ZSWIM5: variants seen among roughly 807,000 people sequenced by gnomAD.
The protein encoded by ZSWIM5 is zinc finger SWIM domain-containing protein 5.
Under a neutral mutation model 119.6 loss-of-function variants are expected in ZSWIM5, and 55 were observed. The observed-to-expected ratio is 0.46, with a 90% CI of 0.37 to 0.58. The LOEUF (loss-of-function observed/expected upper bound fraction) is 0.58. Among genes scored for constraint, ZSWIM5 ranks in the 20% least tolerant of loss-of-function variants. ZSWIM5 has a pLI of 0.00. For missense variants in ZSWIM5, 1,193 were observed against 1,512.8 expected, an observed-to-expected ratio of 0.79 and a Z score of 3.51; for synonymous variants, 537 against 606.9, an observed-to-expected ratio of 0.88 and a Z score of 1.69.
In ZSWIM5 at chr1:45,205,164, A is replaced by C. The variant is rs112240827; in HGVS notation, c.595+592T>G. Among the ~76,000 whole-genome samples, 1,472 of 151,192 alleles carry C rather than the reference A, an allele frequency of 9.7e-3. 30 individuals are homozygous for C. Among genetic ancestry groups the C allele is most frequent in the African/African-American group, 0.034 (1,412 of 41,124 alleles). On this transcript the variant is annotated intron_variant, in intron 1 of 13. Coordinates refer to ENST00000359600, the MANE Select transcript of ZSWIM5 (RefSeq NM_020883.2). ...TCCTTGGGTGGGGGTGTGGAGGAGA[A>C]GCTGTCACATTTCCATCTTCGGTTA...
At chr1:45,132,441 C>A (rs1191139425) in intron 1 of ZSWIM5, among the ~76,000 whole-genome samples, 1 of 152,060 alleles carries the variant, frequency 6.6e-6, no homozygotes, top group Non-Finnish European at 1.5e-5. Context: ...CAGTACTTTT[C>A]TCTATGCAAT....
At chr1:45,068,085 ATTTTTCTTTTTTTTTT>A (rs1383237312) in intron 2 of ZSWIM5, among the ~76,000 whole-genome samples, 5 of 133,226 alleles carry the variant, frequency 3.8e-5, no homozygotes, top group East Asian at 2.2e-4. Flanking sequence ...TAAGGAAGCA[ATTTTTCTTTTTTTTTT>A]TTTTTCTTTT....
intron 1 of ZSWIM5, among the ~76,000 whole-genome samples, chr1:45,123,561 CAG>C: frequency 6.6e-6 from 1 of 152,034 alleles, no homozygotes; most frequent in South Asian, 2.1e-4. Context: ...ATCTGAAAAA[CAG>C]AGAATAGACT....
Position 45,036,244 on chromosome 1 carries a change from G to T in ZSWIM5, c.1950C>A (p.Ser650=). The T allele has an allele frequency of 3.1e-6, 5 of 1,614,120 alleles. No homozygotes were observed. Among genetic ancestry groups the T allele is most frequent in the Non-Finnish European group, 4.2e-6 (5 of 1,180,032 alleles). ...ACAGGTAGGACTCACTGCTGTTTGG[G>T]GAGCCTGCAGCCACAGGTACATGCT... ...VYQHVPVAAG[S]PNSSESYLSL... Residue 650 remains serine (S), a synonymous_variant, in exon 9 of 14, where the codon TCC becomes TCA. Transcript: ENST00000359600.
chr1:45,153,942 T>C (rs1191637598), intron 1 of ZSWIM5, among the ~76,000 whole-genome samples: 1 of 152,108 alleles, frequency 6.6e-6, no homozygotes. Flanking sequence ...ATAGCTCTAC[T>C]ATACACCAAC....
At chr1:45,130,062 T>A (rs1645645753) in intron 1 of ZSWIM5, among the ~76,000 whole-genome samples, 1 of 152,156 alleles carries the variant, frequency 6.6e-6, no homozygotes, top group South Asian at 2.1e-4. Context: ...CATGCCCGGC[T>A]AATTTTTGTA....
At chr1:45,074,110 AATG>A (rs1031939500) in intron 2 of ZSWIM5, among the ~76,000 whole-genome samples, 9 of 151,940 alleles carry the variant, frequency 5.9e-5, no homozygotes, top group Admixed American at 2.0e-4. Context: ...TGATCTTTTT[AATG>A]TATTGTTGAA....
rs150882164 is a variant in ZSWIM5, at chr1:45,054,579, C to T, written c.1253-3326G>A. Among the ~76,000 whole-genome samples the T allele has an allele frequency of 6.9e-3, 1,047 of 152,062 alleles. 4 individuals are homozygous for T. The highest frequency in any genetic ancestry group is 0.011 in the Non-Finnish European group (756 of 67,994). Reference sequence around the variant, plus strand: ...ACTGGGCAACAGAGTGAGACACTTTCTCAAAAAACAACAACAAAAAATTTT... The same window carrying T: ...ACTGGGCAACAGAGTGAGACACTTTTTCAAAAAACAACAACAAAAAATTTT... On this transcript the variant is annotated intron_variant, in intron 4 of 13. Coordinates refer to ENST00000359600, the MANE Select transcript of ZSWIM5 (RefSeq NM_020883.2).
intron 1 of ZSWIM5, among the ~76,000 whole-genome samples, chr1:45,155,311 C>CA (rs1645820680): frequency 6.6e-6 from 1 of 152,066 alleles, no homozygotes; most frequent in Admixed American, 6.5e-5. Flanking sequence ...AAATGCAAAT[C>CA]AAAACCACAA....
chr1:45,045,322 T>C (rs1253947394), intron 5 of ZSWIM5, among the ~76,000 whole-genome samples: 1 of 152,210 alleles, frequency 6.6e-6, no homozygotes, highest in Non-Finnish European at 1.5e-5. Context: ...AGTATTATAC[T>C]GTACGGACAT....
chr1:45,204,892 C>A (rs1322910205), intron 1 of ZSWIM5, among the ~76,000 whole-genome samples: 1 of 152,088 alleles, frequency 6.6e-6, no homozygotes, highest in African/African-American at 2.4e-5. Flanking sequence ...TTAACCATTC[C>A]ACAAATCAGA....
At chr1:45,058,520 T>C (rs1387109916) in intron 4 of ZSWIM5, 89 bp downstream of exon 4, 11 of 1,528,676 alleles carry the variant, frequency 7.2e-6, no homozygotes, top group Non-Finnish European at 9.8e-6. Context: ...GCAAGATCCA[T>C]GCAACGACTG....
At chr1:45,122,313 T>C (rs936786226) in intron 1 of ZSWIM5, among the ~76,000 whole-genome samples, 2 of 152,196 alleles carry the variant, frequency 1.3e-5, no homozygotes, top group Non-Finnish European at 1.5e-5. Flanking sequence ...TTTCATGTCA[T>C]TGCAAGGATT....
At chr1:45,113,214 T>C (rs1645528489) in intron 1 of ZSWIM5, among the ~76,000 whole-genome samples, 1 of 152,190 alleles carries the variant, frequency 6.6e-6, no homozygotes, top group South Asian at 2.1e-4. Flanking sequence ...GTAATGTGGT[T>C]TATACATGGA....
At chr1:45,196,034 GTTTTTTTT>G (rs34236930) in intron 1 of ZSWIM5, among the ~76,000 whole-genome samples, 4 of 103,910 alleles carry the variant, frequency 3.8e-5, no homozygotes, top group Non-Finnish European at 7.8e-5. Flanking sequence ...CACCCAGCTA[GTTTTTTTT>G]TTTTTTTTTT....
chr1:45,058,462 A>G (rs1002151648), intron 4 of ZSWIM5, 147 bp downstream of exon 4: 3 of 866,384 alleles, frequency 3.5e-6, no homozygotes, highest in East Asian at 2.6e-5. Context: ...GTTCAGTGTT[A>G]CTCTGGGTGG....
intron 1 of ZSWIM5, among the ~76,000 whole-genome samples, chr1:45,115,327 C>T (rs556776370): frequency 1.6e-3 from 238 of 151,744 alleles, no homozygotes; most frequent in African/African-American, 5.2e-3. Flanking sequence ...TGGAGACGCT[C>T]CTCATTTCCC....
At chr1:45,068,792 CTTTTTTTTTT>C (rs758235271) in intron 2 of ZSWIM5, among the ~76,000 whole-genome samples, 5 of 46,756 alleles carry the variant, frequency 1.1e-4, no homozygotes, top group Non-Finnish European at 1.1e-4. Context: ...TGTTGTATGT[CTTTTTTTTTT>C]TTTTTTTTTT....
intron 1 of ZSWIM5, among the ~76,000 whole-genome samples, chr1:45,172,041 A>G (rs1050626262): frequency 6.6e-6 from 1 of 152,066 alleles, no homozygotes; most frequent in African/African-American, 2.4e-5. Flanking sequence ...TTTTTTCTAA[A>G]ATCTTCTCAA....
Sources: allele counts gnomAD v4.1 joint callset (sites outside exome capture counted in the v4.1 genomes callset), GRCh38; gene constraint gnomAD v4.1.1; transcripts MANE v1.5; gene names NCBI Gene and HGNC (gene_info 2026-07-23, HGNC 2026-07-21).